Variants in CD47 observed in about 807,000 individuals in gnomAD.
The protein encoded by CD47 is CD47 molecule.
Under a neutral mutation model 44.6 loss-of-function variants are expected in CD47, and 11 were observed. The observed-to-expected ratio is 0.25, with a 90% CI of 0.16 to 0.41. The LOEUF (loss-of-function observed/expected upper bound fraction) is 0.41, where lower values mean the gene tolerates loss of function less well. CD47 is among the 10% of genes least tolerant of loss of function. CD47 has a pLI of 1.00. For missense variants in CD47, 306 were observed against 386.7 expected (o/e 0.79, Z 1.75); for synonymous variants, 140 against 136.3 (o/e 1.03, Z -0.19).
At chr3:108,057,817 A>G (rs531831214) in intron 6 of CD47, among the ~76,000 whole-genome samples, 2 of 152,282 alleles carry the variant, frequency 1.3e-5, no homozygotes, top group African/African-American at 2.4e-5. Flanking sequence ...GCTCCAACCA[A>G]TTTGAGCCCA....
At chr3:108,053,120 C>T (rs2078858238) in intron 7 of CD47, 1 of 152,382 alleles carries the variant, frequency 6.6e-6, no homozygotes, top group Non-Finnish European at 1.5e-5. Context: ...GGCTGGATGA[C>T]AGCACTGGAT....
intron 2 of CD47, among the ~76,000 whole-genome samples, chr3:108,073,022 A>G (rs1308393975): frequency 1.6e-5 from 2 of 128,500 alleles, no homozygotes; most frequent in Non-Finnish European, 3.2e-5. Context: ...TCCCCCTCTC[A>G]TTTTCCTCAT....
intron 2 of CD47, among the ~76,000 whole-genome samples, chr3:108,079,595 A>AC (rs2079377979): frequency 7.1e-6 from 1 of 140,266 alleles, no homozygotes; most frequent in Admixed American, 7.1e-5. Flanking sequence ...AAAAAAAAAA[A>AC]CACAAAAAAC....
chr3:108,064,253 G>A (rs2079066371), intron 3 of CD47, among the ~76,000 whole-genome samples: 1 of 152,182 alleles, frequency 6.6e-6, no homozygotes, highest in South Asian at 2.1e-4. Context: ...ATTCTAATGG[G>A]TGAGTGTGTG....
chr3:108,058,939 G>A (rs922050091), intron 5 of CD47, among the ~76,000 whole-genome samples: 3 of 152,152 alleles, frequency 2.0e-5, no homozygotes, highest in African/African-American at 7.2e-5. Flanking sequence ...ATATGGTAGT[G>A]ATCTACTTTC....
intron 3 of CD47, among the ~76,000 whole-genome samples, chr3:108,068,146 A>G (rs1295839662): frequency 6.6e-6 from 1 of 152,248 alleles, no homozygotes. Context: ...AAGATTTACC[A>G]TACTGGATTC....
intron 2 of CD47, among the ~76,000 whole-genome samples, chr3:108,072,220 G>C (rs919929476): frequency 4.6e-5 from 7 of 152,196 alleles, no homozygotes; most frequent in African/African-American, 1.7e-4. Context: ...TGTGTGATTG[G>C]AAGAGTTCTT....
rs148756653 is a variant in CD47, at chr3:108,086,440, T to A, written c.46+4423A>T. Among the ~76,000 whole-genome samples, 176 of 152,126 alleles carry A rather than the reference T, an allele frequency of 1.2e-3. 1 individual carries two copies. Among genetic ancestry groups the A allele is most frequent in the African/African-American group, 4.1e-3 (170 of 41,498 alleles). On this transcript the variant is annotated intron_variant, in intron 1 of 10. Transcript: ENST00000361309. ...GCAGGGGAGATAAAGAGGGGAAAAT[T>A]AAAATTGTGAACCAAAATAGTATGT... is the stretch of plus-strand genomic sequence containing the variant.
At chr3:108,086,583 A>T (rs2079525986) in intron 1 of CD47, among the ~76,000 whole-genome samples, 1 of 152,180 alleles carries the variant, frequency 6.6e-6, no homozygotes. Context: ...TTGAGAAATG[A>T]GAGAGAAACA....
intron 1 of CD47, among the ~76,000 whole-genome samples, chr3:108,081,169 AT>A (rs1208699765): frequency 5.9e-5 from 9 of 152,094 alleles, no homozygotes; most frequent in African/African-American, 2.2e-4. Context: ...GCTAATAAGC[AT>A]CCTATCTACG....
intron 3 of CD47, among the ~76,000 whole-genome samples, chr3:108,068,289 A>G (rs2079138325): frequency 6.6e-6 from 1 of 152,208 alleles, no homozygotes; most frequent in African/African-American, 2.4e-5. Flanking sequence ...AAGATGTGAC[A>G]AGGCATGGGA....
intron 10 of CD47, 66 bp from the exon 11 acceptor site, chr3:108,047,358 A>G (rs2078736944): frequency 7.5e-7 from 1 of 1,332,336 alleles, no homozygotes; most frequent in Non-Finnish European, 1.1e-6. Context: ...TAAAAAGTTG[A>G]CACATTAAAA....
chr3:108,050,477 A>T (rs748303734), intron 9 of CD47, 101 bp downstream of exon 9: 13 of 673,916 alleles, frequency 1.9e-5, no homozygotes, highest in Non-Finnish European at 3.2e-5. Context: ...GAGGAAAAAA[A>T]CCTAGATTCT....
intron 4 of CD47, among the ~76,000 whole-genome samples, 190 bp downstream of exon 4, chr3:108,060,555 G>A (rs1436015397): frequency 2.0e-5 from 3 of 152,140 alleles, no homozygotes; most frequent in Non-Finnish European, 2.9e-5. Flanking sequence ...GCCTTGAGAG[G>A]GAGTGTGGCC....
chr3:108,086,869 T>C (rs1237114991), intron 1 of CD47, among the ~76,000 whole-genome samples: 1 of 152,078 alleles, frequency 6.6e-6, no homozygotes, highest in African/African-American at 2.4e-5. Flanking sequence ...TCCAAGATGG[T>C]AGAAGTGAAA....
rs191392364 is a variant in CD47, at chr3:108,065,972, T to C, written c.491-5120A>G. ...TGGATGGAAATTTCCTAGTCCAAGATAGGCTATGTCTTCACTTTTTCAGAA... is the reference window on the plus strand; with the variant it reads ...TGGATGGAAATTTCCTAGTCCAAGACAGGCTATGTCTTCACTTTTTCAGAA... On this transcript the variant is annotated intron_variant, in intron 3 of 10. Coordinates refer to ENST00000361309, the MANE Select transcript of CD47 (RefSeq NM_001777.4). Among the ~76,000 whole-genome samples the C allele has an allele frequency of 5.3e-5, 8 of 152,258 alleles. No individual in the cohort carries two copies. In the East Asian group the frequency reaches 1.2e-3, roughly 22 times the overall value.
rs2079472940 is a variant in CD47 at position 108,084,184 on chromosome 3, ACGTGGC to A, written c.47-3846_47-3841del. ...TTCCAATTCACTCCTTAAATCTGTT[ACGTGGC>A]CTCCACCCATTCACCCCTACTTCTT... On this transcript the variant is annotated intron_variant, in intron 1 of 10. Coordinates refer to ENST00000361309, the MANE Select transcript of CD47 (RefSeq NM_001777.4). Among the ~76,000 whole-genome samples, 3 of 152,120 alleles carry A rather than the reference ACGTGGC, an allele frequency of 2.0e-5. No homozygotes were observed. In the East Asian group the frequency reaches 5.8e-4, roughly 29 times the overall value.
intron 10 of CD47, 49 bp from the exon 11 acceptor site, chr3:108,047,341 T>A (rs780236544): frequency 1.3e-6 from 2 of 1,506,828 alleles, no homozygotes; most frequent in Non-Finnish European, 1.8e-6. Context: ...GTCTATTTTC[T>A]ATCCATTAAA....
chr3:108,090,869 A>T lies in CD47; in HGVS notation c.40T>A (p.Cys14Ser). 6.7e-7 allele frequency: 1 copy of T among 1,493,056 alleles called. No individual in the cohort carries two copies. 92.5% of individuals were successfully genotyped at this position (1,493,056 alleles called of 1,614,324 possible). ...LVAALLLGSA[C>S]CGSAQLLFNK... is the part of the protein sequence containing the mutation. The stretch of plus-strand genomic sequence containing the variant: ...GGAGCGAGGAGCCACTCACCGCAGC[A>T]CGCCGAGCCCAGCAACAGCGCCGCT... The change falls in exon 1 of 11, where the codon TGC (cysteine) becomes AGC (serine). Residue 14 changes from cysteine (C) to serine (S), a missense_variant. Cys to Ser is a moderately radical substitution (Grantham distance 112). Transcript: ENST00000361309.
Sources: gnomAD v4.1 joint callset for allele counts (sites outside exome capture counted in the v4.1 genomes callset) on GRCh38, gnomAD v4.1.1 for gene constraint, MANE v1.5 for transcripts, NCBI Gene and HGNC (gene_info 2026-07-23, HGNC 2026-07-21) for gene names.